The following HSD17B8 variants were observed in gnomAD, a reference collection of about 807,000 sequenced individuals.
The protein encoded by HSD17B8 is hydroxysteroid 17-beta dehydrogenase 8.
HSD17B8 carries 23 observed loss-of-function variants against 33.2 expected under a neutral mutation model. That is an observed-to-expected ratio of 0.69 (90% confidence interval 0.50 to 0.98). The LOEUF is 0.98. HSD17B8 is among the 50% of genes least tolerant of loss of function. The probability of loss-of-function intolerance (pLI) is 0.00; values close to 1 mark genes in which losing one functional copy is unlikely to be tolerated. For synonymous variants in HSD17B8, 137 were observed against 138.6 expected (o/e 0.99, Z 0.08); for missense variants, 345 against 347.5 (o/e 0.99, Z 0.06).
chr6:33,205,554 G>C lies in HSD17B8; in HGVS notation c.480+15G>C, dbSNP rs1774971543. On this transcript the variant is annotated intron_variant, in intron 4 of 8. Transcript: ENST00000374662. This position sits in a 1 kb window ranked among gnomAD's most constrained non-coding sequence, Gnocchi z 5.0. Reference sequence around the variant, plus strand: ...TCGTAGGAAAGGTCAGGTTGAGTTGGACGAGGTCAGCCAGCCAAGTGGTAT... The same window carrying C: ...TCGTAGGAAAGGTCAGGTTGAGTTGCACGAGGTCAGCCAGCCAAGTGGTAT... The C allele has an allele frequency of 6.2e-7, 1 of 1,612,596 alleles. No individual in the cohort carries two copies. Among genetic ancestry groups the C allele is most frequent in the Admixed American group, 1.7e-5 (1 of 60,004 alleles).
In HSD17B8 at chr6:33,205,310, G is replaced by T; in HGVS notation, c.360G>T (p.Trp120Cys). Residue 120 changes from tryptophan to cysteine, a missense_variant, in exon 3 of 9, where the codon TGG becomes TGT. By Grantham distance (215) the Trp-to-Cys change is radical. Coordinates refer to ENST00000374662, the MANE Select transcript of HSD17B8 (RefSeq NM_014234.5). This position sits in a 1 kb window ranked among gnomAD's most constrained non-coding sequence, Gnocchi z 5.0. ...TGCTGCACATGTCTGAGGATGACTG[G>T]GACAAAGTCATAGCTGTCAACCTCA... ...EFLLHMSEDD[W>C]DKVIAVNLKG... The T allele has an allele frequency of 1.2e-6, 2 of 1,613,200 alleles. No homozygotes were observed. Among genetic ancestry groups the T allele is most frequent in the Non-Finnish European group, 8.5e-7 (1 of 1,179,792 alleles).
At position 33,204,695 on chromosome 6, in the gene HSD17B8, C is replaced by G. The variant is rs1409452579; in HGVS notation, c.27C>G (p.Leu9=). Residue 9 remains leucine (L), a synonymous_variant, in exon 1 of 9, where the codon CTC becomes CTG. Transcript: ENST00000374662. ...TGGCGTCTCAGCTCCAGAACCGACTCCGCTCCGCACTGGCCTTGGTCACAG... is the reference window on the plus strand; with the variant it reads ...TGGCGTCTCAGCTCCAGAACCGACTGCGCTCCGCACTGGCCTTGGTCACAG... MASQLQNR[L]RSALALVTGA... is the part of the protein sequence containing the mutation. 6.2e-7 allele frequency: 1 copy of G among 1,612,884 alleles called. No homozygotes were observed. The highest frequency in any genetic ancestry group is 8.5e-7 in the Non-Finnish European group (1 of 1,179,940).
intron 1 of HSD17B8, 24 bp downstream of exon 1, chr6:33,204,744 C>CGGTTTGG: frequency 6.2e-7 from 1 of 1,612,666 alleles, no homozygotes; most frequent in Non-Finnish European, 8.5e-7. Flanking sequence ...TTTCCCCGGG[C>CGGTTTGG]GGTTTGGGGT....
chr6:33,204,869 G>A (rs1416132215), intron 1 of HSD17B8, 33 bp from the exon 2 acceptor site: 1 of 1,492,484 alleles, frequency 6.7e-7, no homozygotes, highest in Non-Finnish European at 8.9e-7. Context: ...TCTCCTCCCC[G>A]TGCCCGGTCC....
chr6:33,204,895 A>T lies in HSD17B8; in HGVS notation c.53-7A>T. The T allele has an allele frequency of 6.8e-7, 1 of 1,471,664 alleles. No homozygotes were observed. The highest frequency in any genetic ancestry group is 1.4e-5 in the South Asian group (1 of 72,018). 91.2% of individuals were successfully genotyped at this position (1,471,664 alleles called of 1,614,324 possible). A position where few individuals can be genotyped will look rare whatever the true frequency, so the allele number is the denominator to read the frequency against. On this transcript the variant is annotated splice_polypyrimidine_tract_variant and splice_region_variant and intron_variant, in intron 1 of 8. Transcript: ENST00000374662. ...TGCCCGGTCCGGCGTGTTCTGTCCT[A>T]CCTCAGGTGCGGGGAGCGGCATCGG...
Position 33,206,763 on chromosome 6 carries a change from C to A in HSD17B8, c.*109C>A. On this transcript the variant is annotated 3_prime_UTR_variant, in exon 9 of 9. Transcript: ENST00000374662. The surrounding 1 kb of genome is among the most constrained non-coding windows in gnomAD (Gnocchi z 6.2). ...ACAAAAGGGGTGGCAGTGTATGGTT[C>A]AGGAATGCTGAATATGGGAAGCAGG... 8.4e-7 allele frequency: 1 copy of A among 1,184,464 alleles called. No individual in the cohort carries two copies. The highest frequency in any genetic ancestry group is 1.3e-6 in the Non-Finnish European group (1 of 793,142). The allele number at this position is 1,184,464 out of a possible 1,614,324, so 73.4% of individuals were successfully genotyped here.
Position 33,205,444 on chromosome 6 carries a change from C to G in HSD17B8, c.388-3C>G. On this transcript the variant is annotated splice_polypyrimidine_tract_variant and splice_region_variant and intron_variant, in intron 3 of 8. Transcript: ENST00000374662. This position sits in a 1 kb window ranked among gnomAD's most constrained non-coding sequence, Gnocchi z 5.0. ...TTTCTCCCTTGTTACCCTTTCCCGCCAGGGCACCTTCCTAGTCACTCAGGC... is the reference window on the plus strand; with the variant it reads ...TTTCTCCCTTGTTACCCTTTCCCGCGAGGGCACCTTCCTAGTCACTCAGGC... 6.2e-7 allele frequency: 1 copy of G among 1,613,112 alleles called. No individual in the cohort carries two copies. Among genetic ancestry groups the G allele is most frequent in the South Asian group, 1.1e-5 (1 of 91,086 alleles).
rs1349273773 is a variant in HSD17B8 at position 33,204,912 on chromosome 6, C to T, written c.63C>T (p.Ser21=). 8 of 1,464,198 alleles carry T rather than the reference C, an allele frequency of 5.5e-6. No homozygotes were observed. The highest frequency in any genetic ancestry group is 4.2e-5 in the African/African-American group (3 of 70,626). 90.7% of individuals were successfully genotyped at this position (1,464,198 alleles called of 1,614,324 possible). The change falls in exon 2 of 9, where the codon AGC becomes AGT. Residue 21 remains serine, a synonymous_variant. Coordinates refer to ENST00000374662, the MANE Select transcript of HSD17B8 (RefSeq NM_014234.5). ...TCTGTCCTACCTCAGGTGCGGGGAG[C>T]GGCATCGGCCGAGCGGTCAGTGTAC... The part of the protein sequence containing the change: ...SALALVTGAG[S]GIGRAVSVRL...
Position 33,205,961 on chromosome 6 carries a change from C to A in HSD17B8, c.651+49C>A, listed in dbSNP as rs1471546470. On this transcript the variant is annotated intron_variant, in intron 6 of 8. Coordinates refer to ENST00000374662, the MANE Select transcript of HSD17B8 (RefSeq NM_014234.5). The surrounding 1 kb of genome is among the most constrained non-coding windows in gnomAD (Gnocchi z 5.0). ...AGAATCATTCAGAGACTCAATCTCT[C>A]TGGGCTTCACAGAGAGAGAGAGAGA... The A allele has an allele frequency of 6.9e-7, 1 of 1,454,254 alleles. No homozygotes were observed. The highest frequency in any genetic ancestry group is 1.2e-5 in the South Asian group (1 of 85,914). 90.1% of individuals were successfully genotyped at this position (1,454,254 alleles called of 1,614,324 possible). A position where few individuals can be genotyped will look rare whatever the true frequency, so the allele number is the denominator to read the frequency against.
rs756749998 is a variant in HSD17B8, at chr6:33,204,737, C to T, written c.52+17C>T. 8.1e-6 allele frequency: 13 copies of T among 1,612,072 alleles called. No homozygotes were observed. In the South Asian group the frequency reaches 1.3e-4, roughly 16 times the overall value. On this transcript the variant is annotated intron_variant, in intron 1 of 8. Transcript: ENST00000374662. The stretch of plus-strand genomic sequence containing the variant: ...TGGTCACAGGTTGAGGGGGTTCTTT[C>T]CCCGGGCGGTTTGGGGTATTGGAGT...
chr6:33,205,426 C>T lies in HSD17B8; in HGVS notation c.388-21C>T. The T allele has an allele frequency of 3.7e-6, 6 of 1,611,928 alleles. 1 individual carries two copies. Among genetic ancestry groups the T allele is most frequent in the Non-Finnish European group, 1.7e-6 (2 of 1,178,890 alleles). Reference sequence around the variant, plus strand: ...TGTCACCCCAGCTGATCTTTTCTCCCTTGTTACCCTTTCCCGCCAGGGCAC... The same window carrying T: ...TGTCACCCCAGCTGATCTTTTCTCCTTTGTTACCCTTTCCCGCCAGGGCAC... On this transcript the variant is annotated intron_variant, in intron 3 of 8. Coordinates refer to ENST00000374662, the MANE Select transcript of HSD17B8 (RefSeq NM_014234.5). This position sits in a 1 kb window ranked among gnomAD's most constrained non-coding sequence, Gnocchi z 5.0.
chr6:33,206,142 A>G lies in HSD17B8; in HGVS notation c.660A>G (p.Glu220=). Residue 220 remains glutamate (E), a synonymous_variant, in exon 7 of 9, where the codon GAA becomes GAG. Transcript: ENST00000374662. The surrounding 1 kb of genome is among the most constrained non-coding windows in gnomAD (Gnocchi z 6.2). ...VPQKVVDKIT[E]MIPMGHLGDP... The stretch of plus-strand genomic sequence containing the variant: ...TGAGTATTTCCTTACAGATTACTGA[A>G]ATGATCCCGATGGGACACTTGGGGG... 2 of 1,612,912 alleles carry G rather than the reference A, an allele frequency of 1.2e-6. No individual in the cohort carries two copies. Among genetic ancestry groups the G allele is most frequent in the Non-Finnish European group, 1.7e-6 (2 of 1,179,904 alleles).
chr6:33,206,511 C>A lies in HSD17B8; in HGVS notation c.769+62C>A. The A allele has an allele frequency of 6.4e-7, 1 of 1,568,824 alleles. No individual in the cohort carries two copies. Among genetic ancestry groups the A allele is most frequent in the Admixed American group, 1.7e-5 (1 of 59,876 alleles). On this transcript the variant is annotated intron_variant, in intron 8 of 8. Transcript: ENST00000374662. The surrounding 1 kb of genome is among the most constrained non-coding windows in gnomAD (Gnocchi z 6.2). ...GTAGAACCCAGACTATATGAGAAAG[C>A]AAGTAAGGGGAGTCTGGAGCCACTG... is the stretch of plus-strand genomic sequence containing the variant.
chr6:33,206,058 CA>C lies in HSD17B8; in HGVS notation c.652-70del. 2 of 1,523,378 alleles carry C rather than the reference CA, an allele frequency of 1.3e-6. No homozygotes were observed. Among genetic ancestry groups the C allele is most frequent in the Non-Finnish European group, 9.0e-7 (1 of 1,109,794 alleles). The allele number at this position is 1,523,378 out of a possible 1,614,324, so 94.4% of individuals were successfully genotyped here. A position where few individuals can be genotyped will look rare whatever the true frequency, so the allele number is the denominator to read the frequency against. ...TCAATGAATGTATGAGAAATGAAGA[CA>C]AAAAAGGGTCACAGACTCAGTCTTC... On this transcript the variant is annotated intron_variant, in intron 6 of 8. Transcript: ENST00000374662. This position sits in a 1 kb window ranked among gnomAD's most constrained non-coding sequence, Gnocchi z 6.2.
At position 33,205,649 on chromosome 6, in the gene HSD17B8, G is replaced by A. The variant is rs771792966; in HGVS notation, c.490G>A (p.Val164Met). ...TCTGACTCACCTATAGGTGGGGAAC[G>A]TGGGGCAGACAAACTATGCAGCATC... ...ISSIVGKVGN[V>M]GQTNYAASKA... is the part of the protein sequence containing the mutation. The change falls in exon 5 of 9, where the codon GTG becomes ATG. Residue 164 changes from valine (V) to methionine (M), a missense_variant. Physicochemically the swap from Val to Met is conservative, Grantham distance 21. Coordinates refer to ENST00000374662, the MANE Select transcript of HSD17B8 (RefSeq NM_014234.5). This position sits in a 1 kb window ranked among gnomAD's most constrained non-coding sequence, Gnocchi z 5.0. 41 of 1,612,964 alleles carry A rather than the reference G, an allele frequency of 2.5e-5. No individual in the cohort carries two copies. The highest frequency in any genetic ancestry group is 3.3e-5 in the Admixed American group (2 of 60,012).
Position 33,205,050 on chromosome 6 carries a change from G to A in HSD17B8, c.201G>A (p.Gly67=). The A allele has an allele frequency of 1.3e-6, 2 of 1,555,296 alleles. No homozygotes were observed. Among genetic ancestry groups the A allele is most frequent in the Non-Finnish European group, 8.7e-7 (1 of 1,152,620 alleles). ...GPGSKEGPPR[G]NHAAFQADVS... ...GGAGCAAGGAGGGGCCGCCCCGAGG[G>A]AACCATGCTGCCTTCCAGGCTGACG... The change falls in exon 2 of 9, where the codon GGG becomes GGA. Residue 67 remains glycine (G), a synonymous_variant. Coordinates refer to ENST00000374662, the MANE Select transcript of HSD17B8 (RefSeq NM_014234.5). This position sits in a 1 kb window ranked among gnomAD's most constrained non-coding sequence, Gnocchi z 5.0.
In HSD17B8 at chr6:33,205,378, T is replaced by G; in HGVS notation, c.387+41T>G. On this transcript the variant is annotated intron_variant, in intron 3 of 8. Transcript: ENST00000374662. The surrounding 1 kb of genome is among the most constrained non-coding windows in gnomAD (Gnocchi z 5.0). ...CCTGCGACGTTTGGCCCCCTTAGCC[T>G]GGGGAGGGAGTTGGAGGAGGGCTGT... 1.2e-6 allele frequency: 2 copies of G among 1,605,616 alleles called. No homozygotes were observed. Among genetic ancestry groups the G allele is most frequent in the Non-Finnish European group, 1.7e-6 (2 of 1,173,056 alleles).
rs776370953 is a variant in HSD17B8, at chr6:33,205,168, C to T, written c.270+49C>T. ...CTCTAAAGCTCTGATATTGCCTCCA[C>T]TGCCCCGGCTTTTTGTGGGGGGTTT... On this transcript the variant is annotated intron_variant, in intron 2 of 8. Coordinates refer to ENST00000374662, the MANE Select transcript of HSD17B8 (RefSeq NM_014234.5). This position sits in a 1 kb window ranked among gnomAD's most constrained non-coding sequence, Gnocchi z 5.0. 9 of 1,606,238 alleles carry T rather than the reference C, an allele frequency of 5.6e-6. No individual in the cohort carries two copies. In the South Asian group the frequency reaches 6.6e-5, roughly 12 times the overall value.
At position 33,205,897 on chromosome 6, in the gene HSD17B8, G is replaced by A. The variant is rs1485121129; in HGVS notation, c.636G>A (p.Gln212=). 1.2e-5 allele frequency: 20 copies of A among 1,612,672 alleles called. No homozygotes were observed. The highest frequency in any genetic ancestry group is 1.4e-5 in the Non-Finnish European group (17 of 1,179,848). ...CACCCATGACACAGAAAGTGCCACA[G>A]AAAGTGGTGGACAAGGTAGGAGGCT... The part of the protein sequence containing the change: ...IATPMTQKVP[Q]KVVDKITEMI... The change falls in exon 6 of 9, where the codon CAG becomes CAA. Residue 212 remains glutamine (Q), a synonymous_variant. Transcript: ENST00000374662. This position sits in a 1 kb window ranked among gnomAD's most constrained non-coding sequence, Gnocchi z 5.0.
Sources: allele counts gnomAD v4.1 joint callset, GRCh38; gene constraint gnomAD v4.1.1; non-coding constraint Gnocchi (gnomAD v3.1); transcripts MANE v1.5; gene names NCBI Gene and HGNC (gene_info 2026-07-23, HGNC 2026-07-21).